The following A4GALT variants were observed in gnomAD, a reference collection of about 807,000 sequenced individuals.
A4GALT encodes lactosylceramide 4-alpha-galactosyltransferase.
For missense variants in A4GALT, 512 were observed against 486.0 expected, an observed-to-expected ratio of 1.05 and a Z score of -0.50; for synonymous variants, 257 against 220.7, an observed-to-expected ratio of 1.16 and a Z score of -1.46.
At position 42,706,083 on chromosome 22, in the gene A4GALT, C is replaced by T. The variant is rs535040521; in HGVS notation, c.-187-10452G>A. ...AAAAAAAAAAAAAGTTGGCCGGGTG[C>T]GGTGGCTCACGCCTGTAATCTCAGC... On this transcript the variant is annotated intron_variant, in intron 1 of 2. Coordinates refer to ENST00000642412, the MANE Select transcript of A4GALT (RefSeq NM_017436.7). Among the ~76,000 whole-genome samples the T allele has an allele frequency of 6.4e-4, 70 of 110,186 alleles. 13 individuals are homozygous for T. In the East Asian group the frequency reaches 8.0e-3, roughly 13 times the overall value. The allele number at this position is 110,186 out of a possible 152,430, so 72.3% of individuals were successfully genotyped here. A position where few individuals can be genotyped will look rare whatever the true frequency, so the allele number is the denominator to read the frequency against.
chr22:42,702,401 T>A (rs919147989), intron 1 of A4GALT, among the ~76,000 whole-genome samples: 2 of 149,752 alleles, frequency 1.3e-5, no homozygotes, highest in African/African-American at 5.0e-5. Context: ...AGTGCAGTGG[T>A]GCGATCTCGG....
chr22:42,698,242 G>A (rs1207437442), intron 1 of A4GALT, among the ~76,000 whole-genome samples: 1 of 52,180 alleles, frequency 1.9e-5, no homozygotes, highest in Non-Finnish European at 3.5e-5. Context: ...GCGAGACTCC[G>A]TCTCAAAAAA....
At chr22:42,720,330 C>G (rs1284122808) in intron 1 of A4GALT, among the ~76,000 whole-genome samples, 2 of 152,232 alleles carry the variant, frequency 1.3e-5, no homozygotes, top group African/African-American at 4.8e-5. Context: ...CTCCTGCCGG[C>G]CGCTCTCCAT....
Position 42,692,536 on chromosome 22 carries a change from T to C in A4GALT, c.*354A>G, listed in dbSNP as rs572728261. 6 of 430,888 alleles carry C rather than the reference T, an allele frequency of 1.4e-5. No individual in the cohort carries two copies. Among genetic ancestry groups the C allele is most frequent in the African/African-American group, 1.2e-4 (6 of 50,142 alleles). The allele number at this position is 430,888 out of a possible 1,614,324, so 26.7% of individuals were successfully genotyped here. A position where few individuals can be genotyped will look rare whatever the true frequency, so the allele number is the denominator to read the frequency against. On this transcript the variant is annotated 3_prime_UTR_variant, in exon 3 of 3. Coordinates refer to ENST00000642412, the MANE Select transcript of A4GALT (RefSeq NM_017436.7). This position sits in a 1 kb window ranked among gnomAD's most constrained non-coding sequence, Gnocchi z 4.6. ...ATCTTGTCCCTTCTTCCCCATCCCC[T>C]TAGCACCGGCCTCTGCCCTCGTGGG...
At chr22:42,707,402 T>A (rs1890242270) in intron 1 of A4GALT, among the ~76,000 whole-genome samples, 1 of 152,106 alleles carries the variant, frequency 6.6e-6, no homozygotes. Context: ...ATGCCTGTAA[T>A]CCCATCACTT....
rs374687833 is a variant in A4GALT, at chr22:42,692,983, G to A, written c.969C>T (p.Gly323=). The A allele has an allele frequency of 2.5e-6, 4 of 1,613,300 alleles. No individual in the cohort carries two copies. Among genetic ancestry groups the A allele is most frequent in the Admixed American group, 3.3e-5 (2 of 60,004 alleles). Residue 323 remains glycine (G), a synonymous_variant, in exon 3 of 3, where the codon GGC becomes GGT. Coordinates refer to ENST00000642412, the MANE Select transcript of A4GALT (RefSeq NM_017436.7). This position sits in a 1 kb window ranked among gnomAD's most constrained non-coding sequence, Gnocchi z 4.6. ...CCCTGGACGTGGCCTCGAACCGCGT[G>A]CCCTGGCTCTTCTTGTTCCACACGT... ...AVHVWNKKSQ[G]TRFEATSRAL...
chr22:42,715,193 A>G (rs925233952), intron 1 of A4GALT, among the ~76,000 whole-genome samples: 4 of 152,126 alleles, frequency 2.6e-5, no homozygotes, highest in Non-Finnish European at 4.4e-5. Flanking sequence ...AGAGAGCAAT[A>G]CAGCTTCATA....
At chr22:42,697,581 C>T (rs754587547) in intron 1 of A4GALT, among the ~76,000 whole-genome samples, 6 of 152,060 alleles carry the variant, frequency 3.9e-5, no homozygotes, top group Non-Finnish European at 7.4e-5. Flanking sequence ...GATATGTCGT[C>T]GGACCACAGT....
At chr22:42,695,155 A>G (rs1930835554) in intron 2 of A4GALT, 1 of 149,914 alleles carries the variant, frequency 6.7e-6, no homozygotes, top group Non-Finnish European at 1.5e-5. Flanking sequence ...CCTGAACTGT[A>G]TCGATGTTAA....
chr22:42,709,732 G>A (rs889016259), intron 1 of A4GALT, among the ~76,000 whole-genome samples: 2 of 152,168 alleles, frequency 1.3e-5, no homozygotes, highest in Non-Finnish European at 2.9e-5. Flanking sequence ...ACAGGTTGCA[G>A]TGAGCCAAGA....
intron 1 of A4GALT, among the ~76,000 whole-genome samples, chr22:42,715,006 T>G (rs1421332214): frequency 7.6e-6 from 1 of 132,362 alleles, no homozygotes; most frequent in Non-Finnish European, 1.6e-5. Context: ...CAGGGGCGAG[T>G]GTGGCTGAGT....
intron 1 of A4GALT, among the ~76,000 whole-genome samples, chr22:42,715,072 A>G (rs1922051072): frequency 6.6e-6 from 1 of 150,738 alleles, no homozygotes; most frequent in Non-Finnish European, 1.5e-5. Context: ...GGAGGTCAGA[A>G]AGATAAGGGG....
At chr22:42,707,955 CAAAAAA>C (rs754976957) in intron 1 of A4GALT, among the ~76,000 whole-genome samples, 1 of 106,088 alleles carries the variant, frequency 9.4e-6, no homozygotes, top group Non-Finnish European at 1.8e-5. Context: ...ACTGTCACTA[CAAAAAA>C]AAAAAAAAAA....
chr22:42,696,047 AG>A, intron 1 of A4GALT, among the ~76,000 whole-genome samples: 1 of 136,076 alleles, frequency 7.3e-6, no homozygotes, highest in East Asian at 2.3e-4. Context: ...CGCTTGAACC[AG>A]GGAGGCGGAG....
intron 1 of A4GALT, among the ~76,000 whole-genome samples, chr22:42,715,271 T>TA (rs1922072059): frequency 6.6e-6 from 1 of 152,162 alleles, no homozygotes; most frequent in Admixed American, 6.5e-5. Flanking sequence ...ATACATTTCC[T>TA]ATCTTGACCA....
chr22:42,719,882 A>C, intron 1 of A4GALT, among the ~76,000 whole-genome samples: 1 of 152,096 alleles, frequency 6.6e-6, no homozygotes, highest in East Asian at 1.9e-4. Context: ...GGAGGGGAGG[A>C]AGCCGCAGAG....
At chr22:42,707,742 AT>A (rs1395018070) in intron 1 of A4GALT, among the ~76,000 whole-genome samples, 1 of 152,178 alleles carries the variant, frequency 6.6e-6, no homozygotes, top group African/African-American at 2.4e-5. Context: ...TGATCAGGAT[AT>A]TTTTAGCCAC....
chr22:42,720,221 C>A (rs1334354111), intron 1 of A4GALT, among the ~76,000 whole-genome samples: 1 of 152,194 alleles, frequency 6.6e-6, no homozygotes, highest in Non-Finnish European at 1.5e-5. Context: ...CGTACCCAGG[C>A]CGTTTCCCGC....
rs78672238 is a variant in A4GALT, at chr22:42,711,393, A to G, written c.-188+9404T>C. ...GCTCAGCCGCAATTTAACAACATCTATCTCACTCTGGGGCTTTATCCTACA... is the reference window on the plus strand; with the variant it reads ...GCTCAGCCGCAATTTAACAACATCTGTCTCACTCTGGGGCTTTATCCTACA... On this transcript the variant is annotated intron_variant, in intron 1 of 2. Coordinates refer to ENST00000642412, the MANE Select transcript of A4GALT (RefSeq NM_017436.7). Among the ~76,000 whole-genome samples, 971 of 152,350 alleles carry G rather than the reference A, an allele frequency of 6.4e-3. 7 individuals are homozygous for G. Among genetic ancestry groups the G allele is most frequent in the African/African-American group, 0.022 (921 of 41,578 alleles).
Sources: gnomAD v4.1 joint callset for allele counts (sites outside exome capture counted in the v4.1 genomes callset) on GRCh38, gnomAD v4.1.1 for gene constraint, Gnocchi (gnomAD v3.1) non-coding constraint, MANE v1.5 for transcripts, NCBI Gene and HGNC (gene_info 2026-07-23, HGNC 2026-07-21) for gene names.